Variants in ABHD12B observed in about 807,000 individuals in gnomAD.
ABHD12B encodes the protein protein ABHD12B.
Under a neutral mutation model 50.4 loss-of-function variants are expected in ABHD12B, and 42 were observed. The ratio of observed to expected loss-of-function variants is 0.83; its 90% CI spans 0.65 to 1.08. ABHD12B has a LOEUF of 1.08. ABHD12B is among the 50% of genes least tolerant of loss of function. ABHD12B has a pLI of 0.00. For missense variants in ABHD12B, 479 were observed against 447.7 expected (o/e 1.07, Z -0.63); for synonymous variants, 167 against 160.3 (o/e 1.04, Z -0.32).
rs1276400655 is a variant in ABHD12B at position 50,885,903 on chromosome 14, A to G, written c.662+8A>G. The G allele has an allele frequency of 6.2e-7, 1 of 1,613,756 alleles. No individual in the cohort carries two copies. Among genetic ancestry groups the G allele is most frequent in the Non-Finnish European group, 8.5e-7 (1 of 1,179,878 alleles). ...CCACTCTCTGGGTACAGGGTAAGTGAGATCTGCAAATGTGTCCTTAGGCAG... is the reference window on the plus strand; with the variant it reads ...CCACTCTCTGGGTACAGGGTAAGTGGGATCTGCAAATGTGTCCTTAGGCAG... On this transcript the variant is annotated splice_region_variant and intron_variant, in intron 7 of 12. Transcript: ENST00000337334.
chr14:50,875,558 AC>A (rs2049850382), intron 1 of ABHD12B, among the ~76,000 whole-genome samples: 2 of 152,166 alleles, frequency 1.3e-5, no homozygotes, highest in Non-Finnish European at 2.9e-5. Flanking sequence ...AAGTGAAAGA[AC>A]ACCAAAGCAC....
intron 9 of ABHD12B, among the ~76,000 whole-genome samples, chr14:50,897,569 A>G (rs2050213450): frequency 6.6e-6 from 1 of 152,214 alleles, no homozygotes; most frequent in Non-Finnish European, 1.5e-5. Flanking sequence ...AGGAGGTATA[A>G]AGTTAACAGG....
intron 8 of ABHD12B, among the ~76,000 whole-genome samples, chr14:50,887,692 G>T (rs2050061794): frequency 6.6e-6 from 1 of 152,152 alleles, no homozygotes; most frequent in African/African-American, 2.4e-5. Context: ...AGGCAGTTAT[G>T]GTAGGGACAG....
At chr14:50,885,977 G>A (rs1035435363) in intron 7 of ABHD12B, 82 bp downstream of exon 7, 15 of 1,579,324 alleles carry the variant, frequency 9.5e-6, no homozygotes, top group Non-Finnish European at 1.3e-5. Context: ...AGTAGTGGAG[G>A]GAGCACCGAG....
intron 9 of ABHD12B, among the ~76,000 whole-genome samples, chr14:50,896,482 A>G (rs2050200411): frequency 6.6e-6 from 1 of 152,184 alleles, no homozygotes; most frequent in Non-Finnish European, 1.5e-5. Flanking sequence ...AAGAATCACA[A>G]AAGAAGTGAA....
intron 3 of ABHD12B, 67 bp downstream of exon 3, chr14:50,878,914 C>A: frequency 7.3e-7 from 1 of 1,361,190 alleles, no homozygotes; most frequent in South Asian, 1.2e-5. Context: ...CTCAGAGGAG[C>A]AGTGCTGTGT....
intron 1 of ABHD12B, among the ~76,000 whole-genome samples, chr14:50,873,430 C>A (rs1209969511): frequency 6.6e-6 from 1 of 152,178 alleles, no homozygotes; most frequent in African/African-American, 2.4e-5. Flanking sequence ...AGGTTGGTCT[C>A]AAACTCCTGG....
At chr14:50,893,009 G>A (rs533642941) in intron 9 of ABHD12B, 23 of 152,210 alleles carry the variant, frequency 1.5e-4, no homozygotes, top group African/African-American at 4.3e-4. Flanking sequence ...TATGATTTTA[G>A]TCTTTTGAAA....
intron 10 of ABHD12B, 44 bp from the exon 11 acceptor site, chr14:50,903,345 T>G: frequency 1.4e-6 from 2 of 1,442,696 alleles, no homozygotes; most frequent in Non-Finnish European, 9.7e-7. Context: ...GAAATCTCAA[T>G]GTATCATTCT....
intron 9 of ABHD12B, among the ~76,000 whole-genome samples, chr14:50,890,601 A>T (rs535102101): frequency 1.3e-5 from 2 of 152,272 alleles, no homozygotes; most frequent in Non-Finnish European, 2.9e-5. Flanking sequence ...CCAACATTAT[A>T]TTTGTGGGAT....
chr14:50,876,620 G>T lies in ABHD12B; in HGVS notation c.105-1332G>T, dbSNP rs1177100460. On this transcript the variant is annotated intron_variant, in intron 1 of 12. Transcript: ENST00000337334. ...TGCTTACATGGATGTCACCAAGACT[G>T]TGACATCCTGGAGATCATTATAAGA... Among the ~76,000 whole-genome samples, 3 of 152,302 alleles carry T rather than the reference G, an allele frequency of 2.0e-5. No individual in the cohort carries two copies. The East Asian group carries it at 5.8e-4, about 29-fold the overall frequency.
intron 7 of ABHD12B, 118 bp from the exon 8 acceptor site, chr14:50,886,529 G>T: frequency 9.6e-6 from 8 of 834,210 alleles, no homozygotes; most frequent in Non-Finnish European, 1.1e-5. Flanking sequence ...TGCAAATTTT[G>T]TGTCTATATG....
chr14:50,903,804 A>G lies in ABHD12B; in HGVS notation c.943-270A>G, dbSNP rs367934780. On this transcript the variant is annotated intron_variant, in intron 11 of 12. Coordinates refer to ENST00000337334, the MANE Select transcript of ABHD12B (RefSeq NM_001206673.2). ...ACTTTTTCCTTTTAAACAAACTTCTACTAGAGTGGGTCCATAACAATTCCT... is the reference window on the plus strand; with the variant it reads ...ACTTTTTCCTTTTAAACAAACTTCTGCTAGAGTGGGTCCATAACAATTCCT... 3.3e-5 allele frequency among the ~76,000 whole-genome samples: 5 copies of G among 152,252 alleles called. No homozygotes were observed. In the South Asian group the frequency reaches 6.2e-4, roughly 19 times the overall value.
In ABHD12B at chr14:50,885,659, G is replaced by C; in HGVS notation, c.532G>C (p.Gly178Arg). Residue 178 changes from glycine (G) to arginine (R), a missense_variant and splice_region_variant, in exon 6 of 13, where the codon GGA becomes CGA. Coordinates refer to ENST00000337334, the MANE Select transcript of ABHD12B (RefSeq NM_001206673.2). Reference sequence around the variant, plus strand: ...TCATGTCTTGTCTGTTGACTACAGAGGTATGTGTTAAGAACGGTGTACAAA... The same window carrying C: ...TCATGTCTTGTCTGTTGACTACAGACGTATGTGTTAAGAACGGTGTACAAA... ...GFHVLSVDYRGFGDSTGKPTE... is the reference protein window; with the variant it reads ...GFHVLSVDYRRFGDSTGKPTE... 6.2e-7 allele frequency: 1 copy of C among 1,614,134 alleles called. No individual in the cohort carries two copies. The highest frequency in any genetic ancestry group is 8.5e-7 in the Non-Finnish European group (1 of 1,180,016).
chr14:50,887,572 A>G (rs540221360), intron 8 of ABHD12B, among the ~76,000 whole-genome samples: 1 of 152,282 alleles, frequency 6.6e-6, no homozygotes, highest in East Asian at 1.9e-4. Flanking sequence ...TCATCTTTGT[A>G]TGGCTATTTT....
chr14:50,885,647 G>T lies in ABHD12B; in HGVS notation c.520G>T (p.Val174Phe). 1 of 1,614,180 alleles carries T rather than the reference G, an allele frequency of 6.2e-7. No individual in the cohort carries two copies. The highest frequency in any genetic ancestry group is 1.1e-5 in the South Asian group (1 of 91,082). The change falls in exon 6 of 13, where the codon GTT (valine) becomes TTT (phenylalanine). Residue 174 changes from valine to phenylalanine, a missense_variant. By Grantham distance (50) the Val-to-Phe change is conservative. Transcript: ENST00000337334. ...TGATGGTGGCTTTCATGTCTTGTCTGTTGACTACAGAGGTATGTGTTAAGA... is the reference window on the plus strand; with the variant it reads ...TGATGGTGGCTTTCATGTCTTGTCTTTTGACTACAGAGGTATGTGTTAAGA... ...LSDGGFHVLSVDYRGFGDSTG... is the reference protein window; with the variant it reads ...LSDGGFHVLSFDYRGFGDSTG...
chr14:50,886,598 T>G (rs1430248282), intron 7 of ABHD12B, 49 bp from the exon 8 acceptor site: 1 of 1,570,244 alleles, frequency 6.4e-7, no homozygotes, highest in Non-Finnish European at 8.7e-7. Context: ...GAAGTTGCAT[T>G]TTGTACTGTT....
At chr14:50,881,315 C>T (rs539199409) in intron 4 of ABHD12B, among the ~76,000 whole-genome samples, 2 of 150,992 alleles carry the variant, frequency 1.3e-5, no homozygotes, top group South Asian at 4.1e-4. Flanking sequence ...CCCTTCCTCC[C>T]TGTCTTTTTC....
intron 5 of ABHD12B, among the ~76,000 whole-genome samples, chr14:50,884,376 A>T (rs1486961741): frequency 1.3e-5 from 2 of 152,214 alleles, no homozygotes; most frequent in African/African-American, 4.8e-5. Context: ...GATATGTAAA[A>T]GGTATATTTA....
Sources: allele counts gnomAD v4.1 joint callset (sites outside exome capture counted in the v4.1 genomes callset), GRCh38; gene constraint gnomAD v4.1.1; transcripts MANE v1.5; gene names NCBI Gene and HGNC (gene_info 2026-07-23, HGNC 2026-07-21).